TMPRSS4: variants seen among roughly 807,000 people sequenced by gnomAD.
TMPRSS4 encodes the protein transmembrane serine protease 4.
In TMPRSS4, 45 loss-of-function variants were observed where a neutral mutation model predicts 56.4. The observed-to-expected ratio is 0.80, with a 90% CI of 0.63 to 1.02. The LOEUF (loss-of-function observed/expected upper bound fraction) is 1.02. Ranked by LOEUF, TMPRSS4 falls within the 50% of genes least tolerant of loss-of-function variation. TMPRSS4 has a pLI of 0.00. For synonymous variants in TMPRSS4, 205 were observed against 211.0 expected (o/e 0.97, Z 0.25); for missense variants, 546 against 556.7 (o/e 0.98, Z 0.19).
At chr11:118,088,841 C>G (rs1340415979) in intron 1 of TMPRSS4, among the ~76,000 whole-genome samples, 1 of 152,230 alleles carries the variant, frequency 6.6e-6, no homozygotes, top group Non-Finnish European at 1.5e-5. Context: ...TCAACTTCCT[C>G]CTTCCCTCTA....
At chr11:118,089,504 C>G (rs1471915696) in intron 1 of TMPRSS4, among the ~76,000 whole-genome samples, 1 of 152,126 alleles carries the variant, frequency 6.6e-6, no homozygotes, top group Admixed American at 6.5e-5. Flanking sequence ...TTGTAACTTG[C>G]TAGTTAGTTG....
At chr11:118,083,168 A>T (rs1268080981) in intron 1 of TMPRSS4, among the ~76,000 whole-genome samples, 1 of 152,146 alleles carries the variant, frequency 6.6e-6, no homozygotes, top group Non-Finnish European at 1.5e-5. Context: ...TTGCTCACAC[A>T]TCTGTTTCTA....
chr11:118,118,955 A>T lies in TMPRSS4; in HGVS notation c.*1042A>T. On this transcript the variant is annotated 3_prime_UTR_variant, in exon 13 of 13. Transcript: ENST00000437212. ...GATGTAAGCATGAATAAGTCCCTGC[A>T]CTCAAAATGGTCAAAGAATTAAACC... 1 of 985,416 alleles carries T rather than the reference A, an allele frequency of 1.0e-6. No individual in the cohort carries two copies. The highest frequency in any genetic ancestry group is 1.2e-6 in the Non-Finnish European group (1 of 829,926). 61.0% of individuals were successfully genotyped at this position (985,416 alleles called of 1,614,324 possible).
chr11:118,078,939 G>C (rs76995369), intron 1 of TMPRSS4, among the ~76,000 whole-genome samples: 1,859 of 152,224 alleles, frequency 0.012, 30 homozygotes, highest in African/African-American at 0.041. Context: ...ATGAAGCCCC[G>C]CACAGATGTA....
At position 118,085,744 on chromosome 11, in the gene TMPRSS4, G is replaced by T. The variant is rs111549109; in HGVS notation, c.3+8439G>T. On this transcript the variant is annotated intron_variant, in intron 1 of 12. Coordinates refer to ENST00000437212, the MANE Select transcript of TMPRSS4 (RefSeq NM_019894.4). ...AGGCTGAAAGGCTGAACTGTGTGGC[G>T]GGACCCCTTCTGGCCCTCTCGAGTC... Among the ~76,000 whole-genome samples, 155 of 152,270 alleles carry T rather than the reference G, an allele frequency of 1.0e-3. 2 individuals carry two copies. Among genetic ancestry groups the T allele is most frequent in the Non-Finnish European group, 2.4e-4 (16 of 68,016 alleles).
chr11:118,080,821 C>T lies in TMPRSS4; in HGVS notation c.3+3516C>T, dbSNP rs138778962. On this transcript the variant is annotated intron_variant, in intron 1 of 12. Coordinates refer to ENST00000437212, the MANE Select transcript of TMPRSS4 (RefSeq NM_019894.4). Reference sequence around the variant, plus strand: ...ATGCTTTCAGGCCTGAAAATCTCCACGGCCTCAGACTTCCCAGGTGCCTCT... The same window carrying T: ...ATGCTTTCAGGCCTGAAAATCTCCATGGCCTCAGACTTCCCAGGTGCCTCT... Among the ~76,000 whole-genome samples, 635 of 152,292 alleles carry T rather than the reference C, an allele frequency of 4.2e-3. 4 individuals are homozygous for T. Among genetic ancestry groups the T allele is most frequent in the Non-Finnish European group, 5.5e-3 (371 of 68,018 alleles).
At position 118,119,705 on chromosome 11, in the gene TMPRSS4, TG is replaced by T. The variant is rs1276137784; in HGVS notation, c.*1793del. 1 of 152,162 alleles carries T rather than the reference TG, an allele frequency of 6.6e-6. No individual in the cohort carries two copies. The highest frequency in any genetic ancestry group is 2.4e-5 in the African/African-American group (1 of 41,428). The allele number at this position is 152,162 out of a possible 1,614,324, so 9.4% of individuals were successfully genotyped here. A position where few individuals can be genotyped will look rare whatever the true frequency, so the allele number is the denominator to read the frequency against. On this transcript the variant is annotated 3_prime_UTR_variant, in exon 13 of 13. Transcript: ENST00000437212. The stretch of plus-strand genomic sequence containing the variant: ...GCACAAAGTGGTTAAGCTCCTTGCC[TG>T]AGATTATAGACTGTAAGTTGAACGT...
chr11:118,105,815 C>T (rs184920050), intron 5 of TMPRSS4: 64 of 152,358 alleles, frequency 4.2e-4, no homozygotes, highest in Middle Eastern at 3.4e-3. Flanking sequence ...GCAGACATCA[C>T]CAACCAATCA....
chr11:118,077,791 C>G (rs769548291), intron 1 of TMPRSS4, among the ~76,000 whole-genome samples: 1 of 152,012 alleles, frequency 6.6e-6, no homozygotes, highest in African/African-American at 2.4e-5. Flanking sequence ...GCAGACAGAT[C>G]TCTCGAGGTC....
Position 118,082,693 on chromosome 11 carries a change from T to G in TMPRSS4, c.3+5388T>G, listed in dbSNP as rs75711131. On this transcript the variant is annotated intron_variant, in intron 1 of 12. Coordinates refer to ENST00000437212, the MANE Select transcript of TMPRSS4 (RefSeq NM_019894.4). ...ACTTTCAAGAAGACTAAACTAAAGT[T>G]TCATACCCAATGCTGCTCAGGGAAA... Among the ~76,000 whole-genome samples the G allele has an allele frequency of 2.3e-3, 345 of 152,196 alleles. 2 individuals carry two copies. The highest frequency in any genetic ancestry group is 7.4e-3 in the African/African-American group (308 of 41,524).
rs753265495 is a variant in TMPRSS4 at position 118,117,312 on chromosome 11, G to C, written c.1160G>C (p.Ser387Thr). ...EGGVDTCQGDSGGPLMYQSDQ... is the reference protein window; with the variant it reads ...EGGVDTCQGDTGGPLMYQSDQ... The stretch of plus-strand genomic sequence containing the variant: ...TGTTCTGGTCTCTCACAGGGTGACA[G>C]TGGTGGGCCCCTGATGTACCAATCT... The change falls in exon 12 of 13, where the codon AGT becomes ACT. Residue 387 changes from serine (S) to threonine (T), a missense_variant. Coordinates refer to ENST00000437212, the MANE Select transcript of TMPRSS4 (RefSeq NM_019894.4). 5 of 1,614,154 alleles carry C rather than the reference G, an allele frequency of 3.1e-6. No individual in the cohort carries two copies. The highest frequency in any genetic ancestry group is 1.7e-4 in the Middle Eastern group (1 of 6,026).
At chr11:118,082,245 A>G (rs12279572) in intron 1 of TMPRSS4, among the ~76,000 whole-genome samples, 37,426 of 152,078 alleles carry the variant, frequency 0.25, 4,662 homozygotes, top group South Asian at 0.29. Flanking sequence ...GAGACATTGT[A>G]ATCCTCATTC....
intron 1 of TMPRSS4, among the ~76,000 whole-genome samples, chr11:118,081,492 C>T (rs1003649704): frequency 6.6e-6 from 1 of 152,250 alleles, no homozygotes; most frequent in South Asian, 2.1e-4. Flanking sequence ...CCCCAGAGCA[C>T]CCTCCAGCTT....
rs762386521 is a variant in TMPRSS4 at position 118,098,971 on chromosome 11, C to T, written c.44-14C>T. 8 of 1,605,534 alleles carry T rather than the reference C, an allele frequency of 5.0e-6. No homozygotes were observed. The highest frequency in any genetic ancestry group is 1.3e-5 in the African/African-American group (1 of 74,872). ...ACTGCATGCTCTTCCCCTCTGCCTC[C>T]CATTTTCTTGCAGATGTCAAACCCC... On this transcript the variant is annotated splice_polypyrimidine_tract_variant and intron_variant, in intron 2 of 12. Coordinates refer to ENST00000437212, the MANE Select transcript of TMPRSS4 (RefSeq NM_019894.4).
At position 118,121,572 on chromosome 11, in the gene TMPRSS4, C is replaced by G. The variant is rs905242405; in HGVS notation, c.*3659C>G. The G allele has an allele frequency of 2.0e-5, 3 of 152,098 alleles. No homozygotes were observed. Among genetic ancestry groups the G allele is most frequent in the Non-Finnish European group, 4.4e-5 (3 of 68,026 alleles). 9.4% of individuals were successfully genotyped at this position (152,098 alleles called of 1,614,324 possible). ...TGGGGTTTCACTGTGTTGGCCAGGC[C>G]GGTCTCAAACTCCCGACCTCAAGTG... On this transcript the variant is annotated 3_prime_UTR_variant, in exon 13 of 13. Coordinates refer to ENST00000437212, the MANE Select transcript of TMPRSS4 (RefSeq NM_019894.4).
downstream of TMPRSS4, among the ~76,000 whole-genome samples, chr11:118,122,536 AT>A (rs1164931450): frequency 6.6e-6 from 1 of 152,246 alleles, no homozygotes; most frequent in Non-Finnish European, 1.5e-5. Flanking sequence ...AATTAAAAAA[AT>A]CATCCTTTGT....
chr11:118,116,348 T>A (rs2135464834), intron 11 of TMPRSS4, among the ~76,000 whole-genome samples: 1 of 152,348 alleles, frequency 6.6e-6, no homozygotes, highest in Non-Finnish European at 1.5e-5. Context: ...TCATCGCATG[T>A]GTGCCATGAA....
intron 1 of TMPRSS4, among the ~76,000 whole-genome samples, chr11:118,083,126 C>T (rs771350612): frequency 6.6e-6 from 1 of 152,220 alleles, no homozygotes; most frequent in South Asian, 2.1e-4. Flanking sequence ...CCCTGGCCCT[C>T]GTCTGCCACA....
intron 6 of TMPRSS4, chr11:118,108,590 A>G: frequency 2.1e-6 from 1 of 485,488 alleles, no homozygotes; most frequent in Non-Finnish European, 3.6e-6. Context: ...CTTGGGTCCC[A>G]GGAGCCCAGG....
Sources: gnomAD v4.1 joint callset for allele counts (sites outside exome capture counted in the v4.1 genomes callset) on GRCh38, gnomAD v4.1.1 for gene constraint, MANE v1.5 for transcripts, NCBI Gene and HGNC (gene_info 2026-07-23, HGNC 2026-07-21) for gene names.